The following PTPRG variants were observed in gnomAD, a reference collection of about 807,000 sequenced individuals.
PTPRG encodes the protein protein tyrosine phosphatase receptor type G.
PTPRG carries 102 observed loss-of-function variants against 165.3 expected under a neutral mutation model. The ratio of observed to expected loss-of-function variants is 0.62; its 90% CI spans 0.53 to 0.73. The LOEUF (loss-of-function observed/expected upper bound fraction) is 0.73. Among genes scored for constraint, PTPRG ranks in the 30% least tolerant of loss-of-function variants. The pLI is 0.00. For synonymous variants in PTPRG, 675 were observed against 669.5 expected, an observed-to-expected ratio of 1.01 and a Z score of -0.13; for missense variants, 1,866 against 1,861.4, an observed-to-expected ratio of 1.00 and a Z score of -0.05.
At chr3:61,877,334 G>A (rs1395428746) in intron 2 of PTPRG, among the ~76,000 whole-genome samples, 1 of 152,168 alleles carries the variant, frequency 6.6e-6, no homozygotes, top group African/African-American at 2.4e-5. Context: ...TTGGAGAGAT[G>A]TTTGAGAATG....
At chr3:61,862,266 G>T (rs1334376436) in intron 2 of PTPRG, among the ~76,000 whole-genome samples, 1 of 152,100 alleles carries the variant, frequency 6.6e-6, no homozygotes, top group African/African-American at 2.4e-5. Flanking sequence ...GGGGACCGCT[G>T]GTATAATACA....
chr3:61,750,276 A>C (rs1337467415), intron 2 of PTPRG: 1 of 152,234 alleles, frequency 6.6e-6, no homozygotes, highest in Non-Finnish European at 1.5e-5. Context: ...GACATCAGTC[A>C]GGAGGAGGCA....
intron 2 of PTPRG, among the ~76,000 whole-genome samples, chr3:61,972,792 G>C (rs1428662384): frequency 6.6e-6 from 1 of 150,732 alleles, no homozygotes; most frequent in Admixed American, 6.6e-5. Context: ...AGCTGGGACC[G>C]CTGGCGTGTG....
intron 2 of PTPRG, among the ~76,000 whole-genome samples, chr3:61,755,748 G>C (rs766063390): frequency 1.3e-5 from 2 of 152,186 alleles, no homozygotes; most frequent in Non-Finnish European, 2.9e-5. Context: ...GCATGTGGTC[G>C]GGTGGAGAAA....
At chr3:61,976,953 G>A (rs969263486) in intron 2 of PTPRG, among the ~76,000 whole-genome samples, 1 of 151,986 alleles carries the variant, frequency 6.6e-6, no homozygotes, top group Non-Finnish European at 1.5e-5. Flanking sequence ...TGCAATTACA[G>A]GTGTGAGCCA....
chr3:61,570,156 TGA>T (rs1327066426), intron 1 of PTPRG, among the ~76,000 whole-genome samples: 3 of 152,182 alleles, frequency 2.0e-5, no homozygotes, highest in Admixed American at 2.0e-4. Context: ...GTGTGACACT[TGA>T]ACACATTGAT....
Position 61,562,408 on chromosome 3 carries a change from C to T in PTPRG, c.85+36C>T, listed in dbSNP as rs1393463959. The T allele has an allele frequency of 7.5e-6, 12 of 1,602,478 alleles. No homozygotes were observed. The East Asian group carries it at 1.1e-4, about 15-fold the overall frequency. ...GCCGCCGAGGGGATGCGGCCCCGGCCGGCGCGCGTTGGGGATGCGGAGTTG... is the reference window on the plus strand; with the variant it reads ...GCCGCCGAGGGGATGCGGCCCCGGCTGGCGCGCGTTGGGGATGCGGAGTTG... On this transcript the variant is annotated intron_variant, in intron 1 of 29. Transcript: ENST00000474889.
intron 2 of PTPRG, among the ~76,000 whole-genome samples, chr3:61,909,178 T>A (rs1031368027): frequency 7.2e-5 from 11 of 152,162 alleles, no homozygotes; most frequent in African/African-American, 2.7e-4. Flanking sequence ...AGCAGAAAAT[T>A]CAAAGATCAG....
chr3:62,077,819 C>T (rs1344566934), intron 4 of PTPRG, among the ~76,000 whole-genome samples: 1 of 152,016 alleles, frequency 6.6e-6, no homozygotes, highest in Non-Finnish European at 1.5e-5. Context: ...GCCTGGTCAA[C>T]ATGGTGAAAG....
intron 2 of PTPRG, among the ~76,000 whole-genome samples, chr3:61,890,033 C>T (rs1174133058): frequency 6.6e-6 from 1 of 152,178 alleles, no homozygotes; most frequent in African/African-American, 2.4e-5. Flanking sequence ...CATAACTATT[C>T]TCATACTTTT....
chr3:61,917,198 A>G (rs1011800362), intron 2 of PTPRG, among the ~76,000 whole-genome samples: 1 of 152,160 alleles, frequency 6.6e-6, no homozygotes, highest in African/African-American at 2.4e-5. Flanking sequence ...GCTCCTCATT[A>G]TGCTTTGGGA....
At chr3:61,742,189 G>A (rs1226875105) in intron 1 of PTPRG, among the ~76,000 whole-genome samples, 1 of 152,068 alleles carries the variant, frequency 6.6e-6, no homozygotes, top group Non-Finnish European at 1.5e-5. Context: ...CTGAGAGTAA[G>A]GATTACACAG....
chr3:61,827,480 C>G (rs1012086425), intron 2 of PTPRG, among the ~76,000 whole-genome samples: 2 of 152,156 alleles, frequency 1.3e-5, no homozygotes, highest in Admixed American at 6.5e-5. Context: ...GATCCAAGGT[C>G]AGAAATCATC....
chr3:62,155,355 A>G (rs1180768034), intron 6 of PTPRG, among the ~76,000 whole-genome samples: 1 of 152,200 alleles, frequency 6.6e-6, no homozygotes, highest in Non-Finnish European at 1.5e-5. Flanking sequence ...TAAAATGAGT[A>G]TTAGAAAGCA....
chr3:61,603,747 T>A (rs920193754), intron 1 of PTPRG, among the ~76,000 whole-genome samples: 4 of 152,164 alleles, frequency 2.6e-5, no homozygotes, highest in Admixed American at 1.3e-4. Context: ...TTGCTGGCAA[T>A]CCTTGGCATT....
At position 62,294,376 on chromosome 3, in the gene PTPRG, T is replaced by C. The variant is rs1356676562; in HGVS notation, c.*1069T>C. On this transcript the variant is annotated 3_prime_UTR_variant, in exon 30 of 30. Transcript: ENST00000474889. ...ATACATTTTTCTACTTAAGATTAAATTGGAAATACTGTCTTAGCAAAAGTC... is the reference window on the plus strand; with the variant it reads ...ATACATTTTTCTACTTAAGATTAAACTGGAAATACTGTCTTAGCAAAAGTC... 6.6e-6 allele frequency: 1 copy of C among 152,130 alleles called. No homozygotes were observed. The highest frequency in any genetic ancestry group is 6.6e-5 in the Admixed American group (1 of 15,250). 9.4% of individuals were successfully genotyped at this position (152,130 alleles called of 1,614,324 possible).
At chr3:62,020,583 C>T (rs572534235) in intron 4 of PTPRG, among the ~76,000 whole-genome samples, 1 of 152,034 alleles carries the variant, frequency 6.6e-6, no homozygotes, top group Non-Finnish European at 1.5e-5. Context: ...AACTTATTTC[C>T]ACTTAATAGA....
At chr3:61,884,900 A>G (rs550629019) in intron 2 of PTPRG, among the ~76,000 whole-genome samples, 24 of 152,292 alleles carry the variant, frequency 1.6e-4, no homozygotes, top group Non-Finnish European at 3.2e-4. Flanking sequence ...CTAGCAAAAG[A>G]AAACCCCAGG....
intron 1 of PTPRG, among the ~76,000 whole-genome samples, chr3:61,586,242 C>T (rs1700430945): frequency 6.6e-6 from 1 of 151,100 alleles, no homozygotes; most frequent in Non-Finnish European, 1.5e-5. Context: ...AGGACAAGTT[C>T]TTCAGTGGGA....
Sources: gnomAD v4.1 joint callset for allele counts (sites outside exome capture counted in the v4.1 genomes callset) on GRCh38, gnomAD v4.1.1 for gene constraint, MANE v1.5 for transcripts, NCBI Gene and HGNC (gene_info 2026-07-23, HGNC 2026-07-21) for gene names.